ADGRF4: variants seen among roughly 807,000 people sequenced by gnomAD.
ADGRF4 encodes the protein adhesion G protein-coupled receptor F4.
ADGRF4 carries 63 observed loss-of-function variants against 58.5 expected under a neutral mutation model. The ratio of observed to expected loss-of-function variants is 1.08; its 90% CI spans 0.88 to 1.33. The LOEUF is 1.33. Among genes scored for constraint, ADGRF4 ranks in the 40% most tolerant of loss-of-function variants. The pLI, the probability that ADGRF4 is intolerant of heterozygous loss-of-function variation, is 0.00. For synonymous variants in ADGRF4, 313 were observed against 295.4 expected, an observed-to-expected ratio of 1.06 and a Z score of -0.61; for missense variants, 931 against 843.9, an observed-to-expected ratio of 1.10 and a Z score of -1.28.
At chr6:47,706,461 C>G (rs1329829105) in intron 1 of ADGRF4, among the ~76,000 whole-genome samples, 1 of 152,180 alleles carries the variant, frequency 6.6e-6, no homozygotes, top group Non-Finnish European at 1.5e-5. Context: ...TTACTTGTCT[C>G]CATATGCCTA....
At chr6:47,710,266 T>G (rs1379910449) in intron 3 of ADGRF4, among the ~76,000 whole-genome samples, 1 of 152,210 alleles carries the variant, frequency 6.6e-6, no homozygotes, top group Non-Finnish European at 1.5e-5. Flanking sequence ...GAAAATAAAA[T>G]TGACATTTAA....
rs559841403 is a variant in ADGRF4, at chr6:47,720,944, C to T, written c.*4-265C>T. On this transcript the variant is annotated intron_variant, in intron 9 of 9. Coordinates refer to ENST00000283303, the MANE Select transcript of ADGRF4 (RefSeq NM_153838.5). ...TCAGACAGCAGAGCGGGAGAGAGGGCACTGAGCACCGAGTTTAGGGTGGAA... is the reference window on the plus strand; with the variant it reads ...TCAGACAGCAGAGCGGGAGAGAGGGTACTGAGCACCGAGTTTAGGGTGGAA... 3.2e-4 allele frequency among the ~76,000 whole-genome samples: 49 copies of T among 152,240 alleles called. No homozygotes were observed. The Middle Eastern group carries it at 0.017, about 53-fold the overall frequency.
chr6:47,706,891 T>C (rs150074423), intron 1 of ADGRF4, among the ~76,000 whole-genome samples: 45 of 152,356 alleles, frequency 3.0e-4, no homozygotes, highest in Admixed American at 3.3e-4. Context: ...CTTAGAAAAG[T>C]TATTGGCAAA....
At chr6:47,711,585 A>G (rs1378793129) in intron 4 of ADGRF4, among the ~76,000 whole-genome samples, 1 of 152,170 alleles carries the variant, frequency 6.6e-6, no homozygotes, top group Admixed American at 6.5e-5. Context: ...TAATACTTTC[A>G]ATCTCTTGAC....
At chr6:47,711,496 C>T (rs956545722) in intron 4 of ADGRF4, among the ~76,000 whole-genome samples, 33 of 152,134 alleles carry the variant, frequency 2.2e-4, no homozygotes, top group African/African-American at 5.8e-4. Context: ...CTCTTGACCT[C>T]GTGATCTGCC....
chr6:47,704,505 A>G lies in ADGRF4; in HGVS notation c.-16-2725A>G, dbSNP rs114808856. Among the ~76,000 whole-genome samples the G allele has an allele frequency of 4.3e-3, 659 of 152,282 alleles. 3 individuals are homozygous for G. The highest frequency in any genetic ancestry group is 0.014 in the African/African-American group (574 of 41,562). On this transcript the variant is annotated intron_variant, in intron 1 of 9. Coordinates refer to ENST00000283303, the MANE Select transcript of ADGRF4 (RefSeq NM_153838.5). ...TCCTTGACACACACACCCTGTGAAGAAGACTTCAGTATAATTGTGAAGGCT... is the reference window on the plus strand; with the variant it reads ...TCCTTGACACACACACCCTGTGAAGGAGACTTCAGTATAATTGTGAAGGCT...
chr6:47,700,825 C>T (rs1432613919), intron 1 of ADGRF4, among the ~76,000 whole-genome samples: 1 of 152,206 alleles, frequency 6.6e-6, no homozygotes, highest in Non-Finnish European at 1.5e-5. Flanking sequence ...TGATGTCACT[C>T]TGCAGGAATC....
Position 47,707,235 on chromosome 6 carries a change from G to C in ADGRF4, c.-11G>C. On this transcript the variant is annotated 5_prime_UTR_variant, in exon 2 of 10. Coordinates refer to ENST00000283303, the MANE Select transcript of ADGRF4 (RefSeq NM_153838.5). ...GCCTTCTTTCTCTATTGCAGGTGAAGATCCTCATGTATGAAAATGAAGTCC... is the reference window on the plus strand; with the variant it reads ...GCCTTCTTTCTCTATTGCAGGTGAACATCCTCATGTATGAAAATGAAGTCC... 6.3e-7 allele frequency: 1 copy of C among 1,578,496 alleles called. No homozygotes were observed. Among genetic ancestry groups the C allele is most frequent in the African/African-American group, 1.3e-5 (1 of 74,286 alleles).
chr6:47,707,927 G>T lies in ADGRF4; in HGVS notation c.94-297G>T, dbSNP rs561967645. Among the ~76,000 whole-genome samples, 13 of 152,226 alleles carry T rather than the reference G, an allele frequency of 8.5e-5. No homozygotes were observed. In the South Asian group the frequency reaches 2.5e-3, roughly 29 times the overall value. On this transcript the variant is annotated intron_variant, in intron 2 of 9. Coordinates refer to ENST00000283303, the MANE Select transcript of ADGRF4 (RefSeq NM_153838.5). ...GATTAGTGGTTTAATTCTCATCTCT[G>T]TGTTCTCCCTGGATGCTTAAACTTT...
intron 8 of ADGRF4, 142 bp downstream of exon 8, chr6:47,717,493 C>A (rs944992461): frequency 5.8e-6 from 4 of 687,346 alleles, no homozygotes; most frequent in African/African-American, 3.5e-5. Context: ...TTTCTTCATT[C>A]GGTAAATTTG....
Position 47,721,943 on chromosome 6 carries a change from C to G in ADGRF4, c.*738C>G, listed in dbSNP as rs776007452. The G allele has an allele frequency of 6.6e-6, 1 of 152,020 alleles. No homozygotes were observed. The highest frequency in any genetic ancestry group is 1.9e-4 in the East Asian group (1 of 5,196). 9.4% of individuals were successfully genotyped at this position (152,020 alleles called of 1,614,324 possible). A position where few individuals can be genotyped will look rare whatever the true frequency, so the allele number is the denominator to read the frequency against. Reference sequence around the variant, plus strand: ...CATGTTTGTGTTTGTGTATATGTGTCTTTTAAAAATACTATATATAAAGAA... The same window carrying G: ...CATGTTTGTGTTTGTGTATATGTGTGTTTTAAAAATACTATATATAAAGAA... On this transcript the variant is annotated 3_prime_UTR_variant, in exon 10 of 10. Transcript: ENST00000283303.
At chr6:47,709,559 G>A (rs1215470171) in intron 3 of ADGRF4, among the ~76,000 whole-genome samples, 1 of 152,154 alleles carries the variant, frequency 6.6e-6, no homozygotes, top group Non-Finnish European at 1.5e-5. Context: ...TATCGCATGG[G>A]TCATACAGAC....
intron 1 of ADGRF4, among the ~76,000 whole-genome samples, chr6:47,705,950 G>A (rs1029876933): frequency 6.6e-6 from 1 of 152,170 alleles, no homozygotes; most frequent in Admixed American, 6.5e-5. Context: ...TCTGTATGCT[G>A]AGCATCTGGT....
In ADGRF4 at chr6:47,714,708, T is replaced by C; in HGVS notation, c.1463T>C (p.Phe488Ser). The change falls in exon 6 of 10, where the codon TTT becomes TCT. Residue 488 changes from phenylalanine to serine, a missense_variant. Transcript: ENST00000283303. ...FFSHFFYLSLFFWMLFKALLI... is the reference protein window; with the variant it reads ...FFSHFFYLSLSFWMLFKALLI... ...AGCCACTTTTTCTACCTCTCTCTGT[T>C]TTTCTGGATGCTCTTCAAAGCATTG... The C allele has an allele frequency of 6.2e-7, 1 of 1,614,120 alleles. No individual in the cohort carries two copies. Among genetic ancestry groups the C allele is most frequent in the Non-Finnish European group, 8.5e-7 (1 of 1,179,982 alleles).
In ADGRF4 at chr6:47,708,151, T is replaced by C. The variant is rs1185387074; in HGVS notation, c.94-73T>C. 9 of 1,097,230 alleles carry C rather than the reference T, an allele frequency of 8.2e-6. No individual in the cohort carries two copies. The African/African-American group carries it at 1.4e-4, about 17-fold the overall frequency. 68.0% of individuals were successfully genotyped at this position (1,097,230 alleles called of 1,614,324 possible). ...AACACATTTTCTTTTCATATTCATA[T>C]GGAGCCTCTAAGCTGAGATGAGGGA... On this transcript the variant is annotated intron_variant, in intron 2 of 9. Coordinates refer to ENST00000283303, the MANE Select transcript of ADGRF4 (RefSeq NM_153838.5).
chr6:47,709,310 C>T (rs962032046), intron 3 of ADGRF4, among the ~76,000 whole-genome samples: 1 of 152,250 alleles, frequency 6.6e-6, no homozygotes, highest in African/African-American at 2.4e-5. Context: ...CGATGGGCCA[C>T]ATTTGGCCTG....
intron 1 of ADGRF4, among the ~76,000 whole-genome samples, chr6:47,705,832 G>T (rs1255404246): frequency 1.3e-5 from 2 of 152,194 alleles, no homozygotes; most frequent in Non-Finnish European, 2.9e-5. Flanking sequence ...GTCTTTGCCT[G>T]GTTGTGTTCA....
intron 3 of ADGRF4, among the ~76,000 whole-genome samples, chr6:47,709,916 T>C (rs1044641103): frequency 3.9e-5 from 6 of 151,960 alleles, no homozygotes; most frequent in African/African-American, 1.2e-4. Flanking sequence ...CCAAACATAG[T>C]GCTGAAGCCC....
Position 47,712,737 on chromosome 6 carries a change from C to T in ADGRF4, c.552+129C>T, listed in dbSNP as rs967288238. On this transcript the variant is annotated intron_variant, in intron 5 of 9. Coordinates refer to ENST00000283303, the MANE Select transcript of ADGRF4 (RefSeq NM_153838.5). ...CAAAGCAACAGCAGGCATTTCACTT[C>T]GGTTTGGGATATTGATTCATTATAG... The T allele has an allele frequency of 4.8e-5, 32 of 670,496 alleles. 1 individual carries two copies. Among genetic ancestry groups the T allele is most frequent in the East Asian group, 3.5e-4 (13 of 36,866 alleles). The allele number at this position is 670,496 out of a possible 1,614,324, so 41.5% of individuals were successfully genotyped here.
Sources: allele counts gnomAD v4.1 joint callset (sites outside exome capture counted in the v4.1 genomes callset), GRCh38; gene constraint gnomAD v4.1.1; transcripts MANE v1.5; gene names NCBI Gene and HGNC (gene_info 2026-07-23, HGNC 2026-07-21).